The following ESRRG variants were observed in gnomAD, a reference collection of about 807,000 sequenced individuals.
ESRRG encodes estrogen-related receptor gamma.
ESRRG carries 13 observed loss-of-function variants against 44.0 expected under a neutral mutation model. The observed-to-expected ratio is 0.30, with a 90% confidence interval of 0.19 to 0.47. The LOEUF (loss-of-function observed/expected upper bound fraction) is 0.47, where lower values mean the gene tolerates loss of function less well. Among genes scored for constraint, ESRRG ranks in the 20% least tolerant of loss-of-function variants. ESRRG has a pLI of 1.00. For missense variants in ESRRG, 395 were observed against 580.6 expected, an observed-to-expected ratio of 0.68 and a Z score of 3.29; for synonymous variants, 215 against 214.6, an observed-to-expected ratio of 1.00 and a Z score of -0.02.
intron 1 of ESRRG, among the ~76,000 whole-genome samples, chr1:216,952,751 AACAGCTCCT>A (rs1190628438): frequency 6.6e-6 from 1 of 152,092 alleles, no homozygotes; most frequent in Non-Finnish European, 1.5e-5. Context: ...GTCTTCCAGA[AACAGCTCCT>A]ATTGTCAATA....
rs199520226 is a variant in ESRRG, at chr1:216,615,734, CTCTT to C, written c.589+35235_589+35238del. Among the ~76,000 whole-genome samples, 898 of 116,440 alleles carry C rather than the reference CTCTT, an allele frequency of 7.7e-3. 7 individuals carry two copies. Among genetic ancestry groups the C allele is most frequent in the African/African-American group, 0.034 (863 of 25,338 alleles). 76.4% of individuals were successfully genotyped at this position (116,440 alleles called of 152,430 possible). A position where few individuals can be genotyped will look rare whatever the true frequency, so the allele number is the denominator to read the frequency against. ...ACCAGCAGACCTTGCCTATTTCTCT[CTCTT>C]TTTTTTTTTTTTTTCCTGAGATGGA... On this transcript the variant is annotated intron_variant, in intron 3 of 6. Transcript: ENST00000408911.
intron 2 of ESRRG, among the ~76,000 whole-genome samples, chr1:216,731,632 A>G (rs1228853118): frequency 6.6e-6 from 1 of 152,208 alleles, no homozygotes; most frequent in Admixed American, 6.5e-5. Context: ...AAAACTCAAT[A>G]CGTACCCCCA....
intron 1 of ESRRG, among the ~76,000 whole-genome samples, chr1:217,075,507 T>C (rs2091162017): frequency 6.6e-6 from 1 of 151,986 alleles, no homozygotes; most frequent in Admixed American, 6.6e-5. Context: ...TGAGGAAAAG[T>C]AAAAACAGCA....
At chr1:216,858,652 A>T (rs1260463619) in intron 2 of ESRRG, among the ~76,000 whole-genome samples, 2 of 152,106 alleles carry the variant, frequency 1.3e-5, no homozygotes, top group East Asian at 3.9e-4. Flanking sequence ...TCTCACAAGA[A>T]CTCTCTTGGC....
At position 216,827,005 on chromosome 1, in the gene ESRRG, T is replaced by C. The variant is rs140491674; in HGVS notation, c.-14+112577A>G. 1.5e-4 allele frequency among the ~76,000 whole-genome samples: 23 copies of C among 152,254 alleles called. 1 individual carries two copies. The East Asian group carries it at 4.2e-3, about 28-fold the overall frequency. On this transcript the variant is annotated intron_variant, in intron 2 of 7. Coordinates refer to the ESRRG transcript ENST00000359162. The stretch of plus-strand genomic sequence containing the variant: ...CCCTGCTGTCCATCACAGACATTGA[T>C]ACAGAAGCATTGATTGCTTCAAGAC...
At chr1:216,993,366 C>T (rs540081542) in intron 1 of ESRRG, among the ~76,000 whole-genome samples, 2 of 152,290 alleles carry the variant, frequency 1.3e-5, no homozygotes, top group South Asian at 4.1e-4. Flanking sequence ...CTTCTCACTT[C>T]ACTTGCCTAT....
At chr1:216,804,575 A>T (rs1297554253) in intron 2 of ESRRG, among the ~76,000 whole-genome samples, 5 of 152,158 alleles carry the variant, frequency 3.3e-5, no homozygotes, top group Non-Finnish European at 7.3e-5. Flanking sequence ...TCTTTTTAAA[A>T]GGCTGTTGAA....
chr1:216,992,797 G>A (rs2075902781), intron 1 of ESRRG, among the ~76,000 whole-genome samples: 1 of 152,262 alleles, frequency 6.6e-6, no homozygotes, highest in African/African-American at 2.4e-5. Flanking sequence ...CAAAGAATAT[G>A]ATGACAGTGA....
chr1:216,616,813 G>A (rs2061484329), intron 3 of ESRRG, among the ~76,000 whole-genome samples: 1 of 152,164 alleles, frequency 6.6e-6, no homozygotes, highest in Non-Finnish European at 1.5e-5. Context: ...AGCACAACGG[G>A]AGGAAAGAGT....
upstream of ESRRG, among the ~76,000 whole-genome samples, chr1:217,093,483 C>T (rs1237469306): frequency 6.6e-6 from 1 of 151,778 alleles, no homozygotes; most frequent in African/African-American, 2.4e-5. Context: ...AAAATCCATG[C>T]AAAAATATGT....
Position 216,504,320 on chromosome 1 carries a change from T to C in ESRRG, c.*2619A>G, listed in dbSNP as rs2148675537. On this transcript the variant is annotated 3_prime_UTR_variant, in exon 7 of 7. Coordinates refer to ENST00000408911, the MANE Select transcript of ESRRG (RefSeq NM_001438.4). ...AAATAATCTTATAGAATCAGCACCTTTTTTCCCAGGAGTTGTATTTTCTGT... is the reference window on the plus strand; with the variant it reads ...AAATAATCTTATAGAATCAGCACCTCTTTTCCCAGGAGTTGTATTTTCTGT... 1 of 152,458 alleles carries C rather than the reference T, an allele frequency of 6.6e-6. No homozygotes were observed. Among genetic ancestry groups the C allele is most frequent in the African/African-American group, 2.4e-5 (1 of 41,562 alleles). The allele number at this position is 152,458 out of a possible 1,614,324, so 9.4% of individuals were successfully genotyped here. A position where few individuals can be genotyped will look rare whatever the true frequency, so the allele number is the denominator to read the frequency against.
At chr1:216,857,733 A>G (rs1424510148) in intron 2 of ESRRG, among the ~76,000 whole-genome samples, 1 of 151,886 alleles carries the variant, frequency 6.6e-6, no homozygotes, top group African/African-American at 2.4e-5. Flanking sequence ...AAAAAAAAAA[A>G]AAAAAAGTCC....
At chr1:217,003,999 T>A (rs12748650) in intron 1 of ESRRG, among the ~76,000 whole-genome samples, 20,599 of 151,918 alleles carry the variant, frequency 0.14, 1,903 homozygotes, top group East Asian at 0.21. Flanking sequence ...TTAATCATAA[T>A]CTCATAAATA....
At position 216,982,316 on chromosome 1, in the gene ESRRG, T is replaced by C. The variant is rs546058148; in HGVS notation, c.-105-42643A>G. ...TTTCTAGAAAAAAGTATTTTCTTTTTGGATCTGAAAAGAAATGAGCCAAAA... is the reference window on the plus strand; with the variant it reads ...TTTCTAGAAAAAAGTATTTTCTTTTCGGATCTGAAAAGAAATGAGCCAAAA... On this transcript the variant is annotated intron_variant, in intron 1 of 7. Transcript: ENST00000359162. 4.6e-5 allele frequency among the ~76,000 whole-genome samples: 7 copies of C among 152,334 alleles called. No individual in the cohort carries two copies. In the East Asian group the frequency reaches 1.4e-3, roughly 29 times the overall value.
intron 1 of ESRRG, among the ~76,000 whole-genome samples, chr1:217,080,633 T>G (rs183658979): frequency 1.8e-3 from 278 of 151,306 alleles, no homozygotes; most frequent in African/African-American, 6.5e-3. Flanking sequence ...TCTAGTGTTT[T>G]TTTGTTTGTT....
rs530351316 is a variant in ESRRG at position 217,016,123 on chromosome 1, A to G, written c.-106+73384T>C. Among the ~76,000 whole-genome samples the G allele has an allele frequency of 2.0e-5, 3 of 152,262 alleles. No individual in the cohort carries two copies. The South Asian group carries it at 6.2e-4, about 32-fold the overall frequency. ...ATGAACAAAATAAAAGAGGTTAGGA[A>G]AAGAAGCGAGTGATAGTGTGAGAAT... is the stretch of plus-strand genomic sequence containing the variant. On this transcript the variant is annotated intron_variant, in intron 1 of 7. Transcript: ENST00000359162.
intron 1 of ESRRG, among the ~76,000 whole-genome samples, chr1:216,967,823 T>G (rs1462885240): frequency 6.6e-6 from 1 of 152,130 alleles, no homozygotes; most frequent in African/African-American, 2.4e-5. Flanking sequence ...AACTGTCTTC[T>G]AAACCAAAGT....
In ESRRG at chr1:217,119,044, TAGATAGA is replaced by T. The variant is rs761047832; in HGVS notation, c.-230+18616_-230+18622del. ...ATAGATAGATAGATAGATAGATAGA[TAGATAGA>T]GACACAGATACAGATACAGATAGAT... On this transcript the variant is annotated intron_variant, in intron 1 of 8. Transcript: ENST00000366940. Among the ~76,000 whole-genome samples, 240 of 139,188 alleles carry T rather than the reference TAGATAGA, an allele frequency of 1.7e-3. 1 individual carries two copies. Among genetic ancestry groups the T allele is most frequent in the Middle Eastern group, 3.9e-3 (1 of 258 alleles). 91.3% of individuals were successfully genotyped at this position (139,188 alleles called of 152,430 possible). A position where few individuals can be genotyped will look rare whatever the true frequency, so the allele number is the denominator to read the frequency against.
intron 2 of ESRRG, among the ~76,000 whole-genome samples, chr1:216,658,848 AAGAAGAGAAGAGAAGAGAAG>A (rs199919171): frequency 0.065 from 8,076 of 125,054 alleles, 322 homozygotes; most frequent in African/African-American, 0.1. Context: ...AAGAAAGTAA[AAGAAGAGAAGAGAAGAGAAG>A]AGAAGAGAAG....
Sources: allele counts gnomAD v4.1 joint callset (sites outside exome capture counted in the v4.1 genomes callset), GRCh38; gene constraint gnomAD v4.1.1; transcripts MANE v1.5; gene names NCBI Gene and HGNC (gene_info 2026-07-23, HGNC 2026-07-21).